The following OXSR1 variants were observed in gnomAD, a reference collection of about 807,000 sequenced individuals.
OXSR1 encodes serine/threonine-protein kinase OSR1.
Under a neutral mutation model 79.8 loss-of-function variants are expected in OXSR1, and 24 were observed. The observed-to-expected ratio is 0.30, with a 90% CI of 0.22 to 0.42. The LOEUF is 0.42. OXSR1 is among the 10% of genes least tolerant of loss of function. OXSR1 has a pLI of 1.00. For missense variants in OXSR1, 430 were observed against 618.4 expected (o/e 0.70, Z 3.23); for synonymous variants, 226 against 209.2 (o/e 1.08, Z -0.69).
intron 4 of OXSR1, among the ~76,000 whole-genome samples, chr3:38,207,881 C>G (rs1411911026): frequency 4.2e-5 from 5 of 120,186 alleles, no homozygotes; most frequent in Admixed American, 3.5e-4. Flanking sequence ...CTTCCCTCCC[C>G]ACCCCCGTCC....
intron 16 of OXSR1, 91 bp downstream of exon 16, chr3:38,251,562 G>T: frequency 1.1e-6 from 1 of 930,550 alleles, no homozygotes. Context: ...CACTGAGTAG[G>T]TCTGATGGTT....
intron 1 of OXSR1, among the ~76,000 whole-genome samples, chr3:38,176,877 A>T (rs1701685086): frequency 6.6e-6 from 1 of 152,260 alleles, no homozygotes; most frequent in African/African-American, 2.4e-5. Flanking sequence ...AGTTAAAATC[A>T]AACATTTCTT....
At chr3:38,211,741 C>G (rs759802778) in intron 4 of OXSR1, among the ~76,000 whole-genome samples, 8 of 152,218 alleles carry the variant, frequency 5.3e-5, no homozygotes, top group Non-Finnish European at 1.0e-4. Context: ...TTTCCCTCTT[C>G]TGTCTCCCAG....
chr3:38,183,094 A>G lies in OXSR1; in HGVS notation c.162A>G (p.Gln54=), dbSNP rs569229159. The G allele has an allele frequency of 8.0e-5, 128 of 1,607,024 alleles. No homozygotes were observed. Among genetic ancestry groups the G allele is most frequent in the Middle Eastern group, 5.0e-4 (3 of 6,040 alleles). Residue 54 remains glutamine, a synonymous_variant, in exon 2 of 18, where the codon CAA becomes CAG. Transcript: ENST00000311806. The part of the protein sequence containing the change: ...AIKRINLEKC[Q]TSMDELLKEI... ...AACGGATAAACCTTGAGAAATGTCAAACTAGCATGGATGAACTCCTGGTAT... is the reference window on the plus strand; with the variant it reads ...AACGGATAAACCTTGAGAAATGTCAGACTAGCATGGATGAACTCCTGGTAT...
chr3:38,207,801 A>G (rs889151492), intron 4 of OXSR1, among the ~76,000 whole-genome samples: 5 of 152,128 alleles, frequency 3.3e-5, no homozygotes, highest in Non-Finnish European at 7.4e-5. Context: ...AGGCTGTGAA[A>G]TGTTGCCTTT....
At chr3:38,182,920 T>C (rs1701814154) in intron 1 of OXSR1, 83 bp from the exon 2 acceptor site, 1 of 743,764 alleles carries the variant, frequency 1.3e-6, no homozygotes, top group Non-Finnish European at 2.3e-6. Context: ...AGGATTACTC[T>C]TGTTTAAATT....
chr3:38,244,250 C>G (rs1262656282), intron 12 of OXSR1, among the ~76,000 whole-genome samples: 2 of 152,068 alleles, frequency 1.3e-5, no homozygotes, highest in Non-Finnish European at 2.9e-5. Flanking sequence ...TATTCTCATG[C>G]TCATTACTTT....
rs777121211 is a variant in OXSR1 at position 38,251,440 on chromosome 3, T to C, written c.1413T>C (p.Ala471=). ...GTGTCTCTCAGGAACTCATTTCTGC[T>C]GGCCTGGTCGACGGAAGGGATTTAG... ...AEGVSQELIS[A]GLVDGRDLVI... is the part of the protein sequence containing the mutation. Residue 471 remains alanine (A), a synonymous_variant, in exon 16 of 18, where the codon GCT becomes GCC. Transcript: ENST00000311806. 116 of 1,613,568 alleles carry C rather than the reference T, an allele frequency of 7.2e-5. No individual in the cohort carries two copies. The South Asian group carries it at 1.3e-3, about 18-fold the overall frequency.
rs979354569 is a variant in OXSR1, at chr3:38,165,570, C to G, written c.-307C>G. 3 of 388,588 alleles carry G rather than the reference C, an allele frequency of 7.7e-6. No homozygotes were observed. In the South Asian group the frequency reaches 1.1e-4, roughly 14 times the overall value. The allele number at this position is 388,588 out of a possible 1,614,324, so 24.1% of individuals were successfully genotyped here. A position where few individuals can be genotyped will look rare whatever the true frequency, so the allele number is the denominator to read the frequency against. ...CGTGGGGCTGGGGTGGAGGGCGGGA[C>G]AGAGGGGCTGGGCCCAGGCAAAGCT... On this transcript the variant is annotated 5_prime_UTR_variant, in exon 1 of 18. Coordinates refer to ENST00000311806, the MANE Select transcript of OXSR1 (RefSeq NM_005109.3).
chr3:38,207,193 G>A (rs1403897747), intron 4 of OXSR1, among the ~76,000 whole-genome samples: 1 of 152,228 alleles, frequency 6.6e-6, no homozygotes, highest in Admixed American at 6.5e-5. Context: ...AATAGGCATG[G>A]TTGCATCTTT....
Position 38,174,508 on chromosome 3 carries a change from A to G in OXSR1, c.71-8495A>G, listed in dbSNP as rs181847927. Reference sequence around the variant, plus strand: ...GAGGCATGAGAATCGCTTGAACCCGAGTGACAGAGGTTGCAGTGAGCCGAG... The same window carrying G: ...GAGGCATGAGAATCGCTTGAACCCGGGTGACAGAGGTTGCAGTGAGCCGAG... On this transcript the variant is annotated intron_variant, in intron 1 of 17. Coordinates refer to ENST00000311806, the MANE Select transcript of OXSR1 (RefSeq NM_005109.3). Among the ~76,000 whole-genome samples the G allele has an allele frequency of 8.5e-5, 13 of 152,134 alleles. 1 individual carries two copies. The highest frequency in any genetic ancestry group is 4.2e-4 in the South Asian group (2 of 4,814).
intron 1 of OXSR1, among the ~76,000 whole-genome samples, chr3:38,173,823 C>T (rs1447884799): frequency 6.6e-6 from 1 of 152,160 alleles, no homozygotes; most frequent in Non-Finnish European, 1.5e-5. Context: ...CAAAAAATGC[C>T]TGCTTTCACA....
intron 2 of OXSR1, among the ~76,000 whole-genome samples, chr3:38,186,990 T>A (rs465830): frequency 6.6e-6 from 1 of 152,210 alleles, no homozygotes; most frequent in South Asian, 2.1e-4. Flanking sequence ...TCATCTTTTT[T>A]TGTCATAGCC....
rs911595099 is a variant in OXSR1, at chr3:38,205,117, A to G, written c.434+6254A>G. On this transcript the variant is annotated intron_variant, in intron 4 of 17. Coordinates refer to ENST00000311806, the MANE Select transcript of OXSR1 (RefSeq NM_005109.3). The stretch of plus-strand genomic sequence containing the variant: ...AGCAGCACTGAGTTCCAATGCAAGC[A>G]CAGATTCTCTCTCTGTGCCCTGCAG... Among the ~76,000 whole-genome samples, 3 of 151,838 alleles carry G rather than the reference A, an allele frequency of 2.0e-5. No homozygotes were observed. In the East Asian group the frequency reaches 5.9e-4, roughly 30 times the overall value.
At chr3:38,223,589 T>C (rs9828424) in intron 6 of OXSR1, among the ~76,000 whole-genome samples, 23,473 of 150,816 alleles carry the variant, frequency 0.16, 2,565 homozygotes, top group African/African-American at 0.32. Context: ...ATTACAGGCA[T>C]GCGCCACCGT....
intron 11 of OXSR1, among the ~76,000 whole-genome samples, chr3:38,237,801 C>T (rs181512340): frequency 2.6e-5 from 4 of 152,234 alleles, no homozygotes; most frequent in South Asian, 4.1e-4. Context: ...TGCAAATATT[C>T]GTTTACATAC....
chr3:38,204,001 C>G (rs1049513004), intron 4 of OXSR1, among the ~76,000 whole-genome samples: 1 of 152,164 alleles, frequency 6.6e-6, no homozygotes, highest in Non-Finnish European at 1.5e-5. Context: ...CCTTAGGAAT[C>G]TACCTGGTCC....
rs113414308 is a variant in OXSR1, at chr3:38,193,484, A to C, written c.292+2645A>C. On this transcript the variant is annotated intron_variant, in intron 3 of 17. Coordinates refer to ENST00000311806, the MANE Select transcript of OXSR1 (RefSeq NM_005109.3). ...TTTTCTTTATTTGTAATTTACGAGA[A>C]TATGTAATACAACATTTTTAATGTT... is the stretch of plus-strand genomic sequence containing the variant. 6.4e-5 allele frequency: 64 copies of C among 1,004,682 alleles called. 1 individual carries two copies. Among genetic ancestry groups the C allele is most frequent in the South Asian group, 2.3e-4 (17 of 73,604 alleles). 62.2% of individuals were successfully genotyped at this position (1,004,682 alleles called of 1,614,324 possible).
At chr3:38,198,580 G>A (rs1365217648) in intron 3 of OXSR1, 142 bp from the exon 4 acceptor site, 2 of 558,176 alleles carry the variant, frequency 3.6e-6, no homozygotes, top group Admixed American at 6.4e-5. Context: ...TTAAACTTCT[G>A]TATTTCCTCA....
Sources: gnomAD v4.1 joint callset for allele counts (sites outside exome capture counted in the v4.1 genomes callset) on GRCh38, gnomAD v4.1.1 for gene constraint, MANE v1.5 for transcripts, NCBI Gene and HGNC (gene_info 2026-07-23, HGNC 2026-07-21) for gene names.